DRG2: variants seen among roughly 807,000 people sequenced by gnomAD.
DRG2 encodes developmentally regulated GTP binding protein 2.
In DRG2, 36 loss-of-function variants were observed where a neutral mutation model predicts 53.4. That is an observed-to-expected ratio of 0.67 (90% CI 0.52 to 0.89). DRG2 has a LOEUF of 0.89. DRG2 is among the 40% of genes least tolerant of loss of function. The pLI is 0.00. For missense variants in DRG2, 342 were observed against 481.2 expected (o/e 0.71, Z 2.71); for synonymous variants, 167 against 192.1 (o/e 0.87, Z 1.08).
chr17:18,107,336 A>C lies in DRG2; in HGVS notation c.*96A>C. 1.0e-5 allele frequency: 12 copies of C among 1,198,334 alleles called. No individual in the cohort carries two copies. The highest frequency in any genetic ancestry group is 1.3e-5 in the South Asian group (1 of 78,214). The allele number at this position is 1,198,334 out of a possible 1,614,324, so 74.2% of individuals were successfully genotyped here. On this transcript the variant is annotated 3_prime_UTR_variant, in exon 13 of 13. Coordinates refer to ENST00000225729, the MANE Select transcript of DRG2 (RefSeq NM_001388.5). The stretch of plus-strand genomic sequence containing the variant: ...CACCCAAACAGAAAAATACAAATAC[A>C]CGTACCCCAGGAAGGGGTCCCTCAA...
In DRG2 at chr17:18,098,813, C is replaced by T. The variant is rs2045476551; in HGVS notation, c.316-204C>T. Among the ~76,000 whole-genome samples the T allele has an allele frequency of 1.3e-5, 2 of 152,194 alleles. No homozygotes were observed. Among genetic ancestry groups the T allele is most frequent in the South Asian group, 4.1e-4 (2 of 4,824 alleles). ...TGTTGTGGGATTGGAAGATCTTGAG[C>T]CCTCCCTAGGCGGCTACTCAGCTCA... On this transcript the variant is annotated intron_variant, in intron 3 of 12. Transcript: ENST00000225729. The surrounding 1 kb of genome is among the most constrained non-coding windows in gnomAD (Gnocchi z 4.1).
chr17:18,092,747 A>T (rs1357790726), intron 1 of DRG2, among the ~76,000 whole-genome samples: 1 of 152,202 alleles, frequency 6.6e-6, no homozygotes, highest in Non-Finnish European at 1.5e-5. Context: ...TGCTGCCAGG[A>T]TCTAACGAAG....
intron 1 of DRG2, among the ~76,000 whole-genome samples, chr17:18,090,187 C>CTTTTT (rs764657114): frequency 8.5e-5 from 6 of 70,268 alleles, no homozygotes; most frequent in East Asian, 6.5e-4. Flanking sequence ...ACACTGAATC[C>CTTTTT]TTTTTTTTTT....
chr17:18,102,251 G>A (rs575495897), intron 9 of DRG2, among the ~76,000 whole-genome samples: 1 of 152,340 alleles, frequency 6.6e-6, no homozygotes, highest in South Asian at 2.1e-4. Flanking sequence ...ATTGCCGTGG[G>A]CAGGGTGGGT....
chr17:18,106,417 C>G lies in DRG2; in HGVS notation c.955-16C>G, dbSNP rs1196600393. On this transcript the variant is annotated splice_polypyrimidine_tract_variant and intron_variant, in intron 11 of 12. Transcript: ENST00000225729. Reference sequence around the variant, plus strand: ...TGAAGCCTCACCTCTCTACCTGACTCTCTCCTGTCCTCCAGTGCCACCGCA... The same window carrying G: ...TGAAGCCTCACCTCTCTACCTGACTGTCTCCTGTCCTCCAGTGCCACCGCA... 6.2e-7 allele frequency: 1 copy of G among 1,614,058 alleles called. No homozygotes were observed.
Position 18,103,701 on chromosome 17 carries a change from C to T in DRG2, c.807-100C>T. 8.9e-7 allele frequency: 1 copy of T among 1,126,238 alleles called. No individual in the cohort carries two copies. The highest frequency in any genetic ancestry group is 2.4e-5 in the East Asian group (1 of 42,420). The allele number at this position is 1,126,238 out of a possible 1,614,324, so 69.8% of individuals were successfully genotyped here. A position where few individuals can be genotyped will look rare whatever the true frequency, so the allele number is the denominator to read the frequency against. On this transcript the variant is annotated intron_variant, in intron 9 of 12. Coordinates refer to ENST00000225729, the MANE Select transcript of DRG2 (RefSeq NM_001388.5). This position sits in a 1 kb window ranked among gnomAD's most constrained non-coding sequence, Gnocchi z 4.4. ...TTCCCTGTGGGTACCAGCGGGCCAC[C>T]TGGCCAGTGGAGGTTATCCGCTCCA...
Position 18,103,749 on chromosome 17 carries a change from G to C in DRG2, c.807-52G>C. 1 of 1,565,672 alleles carries C rather than the reference G, an allele frequency of 6.4e-7. No homozygotes were observed. The highest frequency in any genetic ancestry group is 8.8e-7 in the Non-Finnish European group (1 of 1,136,566). On this transcript the variant is annotated intron_variant, in intron 9 of 12. Transcript: ENST00000225729. The surrounding 1 kb of genome is among the most constrained non-coding windows in gnomAD (Gnocchi z 4.4). ...CCAATAGTGAGAAGTGGAGACCCCA[G>C]CCTCTGAATTCACAGGGGCCCCTGC...
intron 9 of DRG2, among the ~76,000 whole-genome samples, chr17:18,102,855 C>G (rs891160566): frequency 1.3e-5 from 2 of 152,334 alleles, no homozygotes; most frequent in African/African-American, 4.8e-5. Context: ...TGTTTGTTCA[C>G]TTGCCACCAC....
chr17:18,091,632 G>A (rs962750912), intron 1 of DRG2, among the ~76,000 whole-genome samples: 3 of 151,880 alleles, frequency 2.0e-5, no homozygotes, highest in African/African-American at 7.3e-5. Context: ...CAAGGCGGGC[G>A]GATCACCTGA....
intron 12 of DRG2, among the ~76,000 whole-genome samples, chr17:18,106,857 T>C (rs976163801): frequency 6.6e-6 from 1 of 151,962 alleles, no homozygotes; most frequent in Non-Finnish European, 1.5e-5. Flanking sequence ...GCCTGGCTAA[T>C]TTTTCATGGA....
Position 18,087,948 on chromosome 17 carries a change from A to T in DRG2, c.-76A>T. 1 of 1,493,026 alleles carries T rather than the reference A, an allele frequency of 6.7e-7. No homozygotes were observed. The highest frequency in any genetic ancestry group is 9.0e-7 in the Non-Finnish European group (1 of 1,106,418). 92.5% of individuals were successfully genotyped at this position (1,493,026 alleles called of 1,614,324 possible). ...TCTCTTTGGCTTCCGGGCGCACGCT[A>T]CTCTGTCGCCGCCGTCAGACCGGAA... On this transcript the variant is annotated 5_prime_UTR_variant, in exon 1 of 13. Coordinates refer to ENST00000225729, the MANE Select transcript of DRG2 (RefSeq NM_001388.5).
intron 11 of DRG2, chr17:18,106,033 C>T (rs1304655503): frequency 4.5e-6 from 1 of 224,640 alleles, no homozygotes; most frequent in Non-Finnish European, 9.2e-6. Context: ...CTTCAGGCCA[C>T]AGGTGGGGCC....
chr17:18,102,045 T>C (rs748954433), intron 9 of DRG2, 48 bp downstream of exon 9: 2 of 1,576,696 alleles, frequency 1.3e-6, no homozygotes, highest in Non-Finnish European at 1.7e-6. Flanking sequence ...CTGTGGGTTC[T>C]GACCCCAGTC....
At chr17:18,088,955 A>G (rs1344540782) in intron 1 of DRG2, among the ~76,000 whole-genome samples, 3 of 152,116 alleles carry the variant, frequency 2.0e-5, no homozygotes, top group African/African-American at 7.2e-5. Flanking sequence ...TCTAGATCAG[A>G]AGGGGGTTAT....
rs371227446 is a variant in DRG2 at position 18,100,719 on chromosome 17, G to T, written c.631+60G>T. On this transcript the variant is annotated intron_variant, in intron 7 of 12. Transcript: ENST00000225729. This position sits in a 1 kb window ranked among gnomAD's most constrained non-coding sequence, Gnocchi z 4.1. ...GCCACCACCGTCAGCGCAGCGGGGG[G>T]ACTGACTAAGACAGGAGGCCTCATG... The T allele has an allele frequency of 1.9e-5, 28 of 1,510,142 alleles. No homozygotes were observed. The African/African-American group carries it at 1.9e-4, about 10-fold the overall frequency. The allele number at this position is 1,510,142 out of a possible 1,614,324, so 93.5% of individuals were successfully genotyped here.
chr17:18,106,528 G>C, intron 12 of DRG2, 42 bp downstream of exon 12: 1 of 1,610,958 alleles, frequency 6.2e-7, no homozygotes, highest in Non-Finnish European at 8.5e-7. Flanking sequence ...GTAGACCCAG[G>C]ACAGCCCCTG....
At chr17:18,091,851 C>G (rs2045339412) in intron 1 of DRG2, 1 of 152,102 alleles carries the variant, frequency 6.6e-6, no homozygotes, top group African/African-American at 2.4e-5. Context: ...CAGTGAGACT[C>G]CATCTCAAAA....
intron 11 of DRG2, among the ~76,000 whole-genome samples, chr17:18,105,089 G>A (rs2045605287): frequency 6.6e-6 from 1 of 152,194 alleles, no homozygotes; most frequent in Non-Finnish European, 1.5e-5. Flanking sequence ...GAGGCAACCT[G>A]AGCCGGCTTA....
intron 2 of DRG2, chr17:18,096,461 T>C (rs987875344): frequency 1.3e-5 from 2 of 152,278 alleles, no homozygotes; most frequent in African/African-American, 2.4e-5. Flanking sequence ...CTCAAATCTT[T>C]TTAGCTTTGG....
Sources: gnomAD v4.1 joint callset for allele counts (sites outside exome capture counted in the v4.1 genomes callset) on GRCh38, gnomAD v4.1.1 for gene constraint, Gnocchi (gnomAD v3.1) non-coding constraint, MANE v1.5 for transcripts, NCBI Gene and HGNC (gene_info 2026-07-23, HGNC 2026-07-21) for gene names.